Variants in MVB12B observed in about 807,000 individuals in gnomAD.
MVB12B encodes the protein ESCRT-I complex subunit MVB12B.
MVB12B carries 16 observed loss-of-function variants against 41.6 expected under a neutral mutation model. The ratio of observed to expected loss-of-function variants is 0.38; its 90% CI spans 0.26 to 0.58. The LOEUF is 0.58. MVB12B is among the 20% of genes least tolerant of loss of function. MVB12B has a pLI of 0.62. For synonymous variants in MVB12B, 133 were observed against 139.7 expected (o/e 0.95, Z 0.34); for missense variants, 274 against 380.2 (o/e 0.72, Z 2.32).
At chr9:126,384,834 A>AT (rs11299290) in intron 3 of MVB12B, among the ~76,000 whole-genome samples, 67 of 111,024 alleles carry the variant, frequency 6.0e-4, no homozygotes, top group Admixed American at 1.8e-3. Context: ...TGCCTGGCAG[A>AT]TTTTTTTTTT....
chr9:126,497,854 A>C (rs1833870423), intron 9 of MVB12B, among the ~76,000 whole-genome samples: 1 of 152,274 alleles, frequency 6.6e-6, no homozygotes, highest in Middle Eastern at 3.4e-3. Flanking sequence ...GGGTTTCCAA[A>C]CCGAACAGTT....
At chr9:126,479,745 G>A (rs1363122293) in intron 7 of MVB12B, among the ~76,000 whole-genome samples, 2 of 152,234 alleles carry the variant, frequency 1.3e-5, no homozygotes, top group African/African-American at 4.8e-5. Flanking sequence ...AGGGCGCGGG[G>A]AATGCAGCGA....
intron 1 of MVB12B, among the ~76,000 whole-genome samples, chr9:126,327,641 C>A (rs1829019589): frequency 6.6e-6 from 1 of 152,176 alleles, no homozygotes. Context: ...GGGACAAGAG[C>A]TGAGGCATGG....
At position 126,459,170 on chromosome 9, in the gene MVB12B, T is replaced by C. The variant is rs1833041022; in HGVS notation, c.758-22199T>C. 6.6e-6 allele frequency among the ~76,000 whole-genome samples: 1 copy of C among 152,228 alleles called. No individual in the cohort carries two copies. The highest frequency in any genetic ancestry group is 1.5e-5 in the Non-Finnish European group (1 of 68,034). On this transcript the variant is annotated intron_variant, in intron 7 of 9. Coordinates refer to ENST00000361171, the MANE Select transcript of MVB12B (RefSeq NM_033446.3). The surrounding 1 kb of genome is among the most constrained non-coding windows in gnomAD (Gnocchi z 4.3). ...AAAAGTAATCAGTTGGCAAGTAGGT[T>C]ACCTGGCTGTGCTTTGGCACTGGTA...
intron 9 of MVB12B, among the ~76,000 whole-genome samples, chr9:126,495,684 C>T (rs1041209537): frequency 5.3e-5 from 8 of 152,022 alleles, no homozygotes; most frequent in African/African-American, 1.9e-4. Context: ...CACCCACCAC[C>T]CACCTGTGAG....
At chr9:126,406,243 C>A (rs978591539) in intron 6 of MVB12B, among the ~76,000 whole-genome samples, 3 of 152,224 alleles carry the variant, frequency 2.0e-5, no homozygotes, top group Non-Finnish European at 2.9e-5. Flanking sequence ...GGAACGCTGA[C>A]CCTCTGCTGT....
intron 2 of MVB12B, among the ~76,000 whole-genome samples, chr9:126,375,770 T>C (rs979783884): frequency 6.6e-6 from 1 of 152,226 alleles, no homozygotes; most frequent in African/African-American, 2.4e-5. Context: ...TGGGCTTAGA[T>C]GTGGAATTCC....
At chr9:126,446,923 C>T (rs200400875) in intron 7 of MVB12B, among the ~76,000 whole-genome samples, 4 of 139,286 alleles carry the variant, frequency 2.9e-5, no homozygotes, top group African/African-American at 5.4e-5. Flanking sequence ...TGTATTAGTT[C>T]TTTTTTTTAA....
At chr9:126,405,365 A>G (rs1163880718) in intron 6 of MVB12B, among the ~76,000 whole-genome samples, 1 of 152,016 alleles carries the variant, frequency 6.6e-6, no homozygotes, top group South Asian at 2.1e-4. Flanking sequence ...GGTTTTGAGA[A>G]AGGCTTTTTT....
At position 126,473,994 on chromosome 9, in the gene MVB12B, C is replaced by G. The variant is rs1227922595; in HGVS notation, c.758-7375C>G. 6.6e-6 allele frequency among the ~76,000 whole-genome samples: 1 copy of G among 152,152 alleles called. No homozygotes were observed. Among genetic ancestry groups the G allele is most frequent in the Non-Finnish European group, 1.5e-5 (1 of 68,040 alleles). On this transcript the variant is annotated intron_variant, in intron 7 of 9. Transcript: ENST00000361171. The surrounding 1 kb of genome is among the most constrained non-coding windows in gnomAD (Gnocchi z 4.0). ...GGGGGTGGGGGGCTTTGTCATGGCA[C>G]ACTGAGAGCTCCAGGGCCTGGAGAG...
Position 126,503,370 on chromosome 9 carries a change from C to T in MVB12B, c.*107C>T. On this transcript the variant is annotated 3_prime_UTR_variant, in exon 10 of 10. Coordinates refer to ENST00000361171, the MANE Select transcript of MVB12B (RefSeq NM_033446.3). ...GCCTCCGCCAGCCCTCCCTCCCACA[C>T]TGCCCCAGCAGGGCTGGCCCGGAGA... 1.1e-6 allele frequency: 1 copy of T among 916,082 alleles called. No individual in the cohort carries two copies. The highest frequency in any genetic ancestry group is 1.7e-6 in the Non-Finnish European group (1 of 603,184). 56.7% of individuals were successfully genotyped at this position (916,082 alleles called of 1,614,324 possible). A position where few individuals can be genotyped will look rare whatever the true frequency, so the allele number is the denominator to read the frequency against.
At chr9:126,502,373 G>A (rs1356405676) in intron 9 of MVB12B, among the ~76,000 whole-genome samples, 1 of 152,136 alleles carries the variant, frequency 6.6e-6, no homozygotes, top group Non-Finnish European at 1.5e-5. Context: ...AACTACAGGT[G>A]CTCCTAGCCC....
At chr9:126,491,917 C>T (rs1833739417) in intron 9 of MVB12B, among the ~76,000 whole-genome samples, 2 of 152,132 alleles carry the variant, frequency 1.3e-5, no homozygotes, top group South Asian at 4.2e-4. Flanking sequence ...ATGCCACAGA[C>T]AAGATTAATT....
chr9:126,342,611 G>A (rs1829478090), intron 2 of MVB12B, among the ~76,000 whole-genome samples: 1 of 152,182 alleles, frequency 6.6e-6, no homozygotes, highest in African/African-American at 2.4e-5. Context: ...AGCTCTGCAC[G>A]GCCGAGGTGG....
intron 2 of MVB12B, among the ~76,000 whole-genome samples, chr9:126,357,862 A>G (rs1829924112): frequency 6.6e-6 from 1 of 152,062 alleles, no homozygotes; most frequent in Non-Finnish European, 1.5e-5. Context: ...TTTTATAGTT[A>G]GTGCTTTTTG....
At chr9:126,383,876 C>G (rs1353697178) in intron 3 of MVB12B, among the ~76,000 whole-genome samples, 1 of 151,678 alleles carries the variant, frequency 6.6e-6, no homozygotes, top group Non-Finnish European at 1.5e-5. Flanking sequence ...AATGGCCACA[C>G]CACTGATGTT....
At chr9:126,368,496 G>C (rs762590106) in intron 2 of MVB12B, among the ~76,000 whole-genome samples, 5 of 152,170 alleles carry the variant, frequency 3.3e-5, no homozygotes, top group Non-Finnish European at 7.3e-5. Context: ...CCGTGGTAGA[G>C]AGAGGGTTGG....
chr9:126,476,631 C>G (rs1305414299), intron 7 of MVB12B, among the ~76,000 whole-genome samples: 1 of 152,132 alleles, frequency 6.6e-6, no homozygotes, highest in Non-Finnish European at 1.5e-5. Context: ...AATCCCAAGA[C>G]TTTGGGAGGC....
intron 1 of MVB12B, among the ~76,000 whole-genome samples, chr9:126,331,478 TG>T (rs912861854): frequency 2.6e-5 from 4 of 152,208 alleles, no homozygotes; most frequent in Admixed American, 1.3e-4. Flanking sequence ...GTTTTTTTGT[TG>T]TTGATTTGTA....
Sources: gnomAD v4.1 joint callset for allele counts (sites outside exome capture counted in the v4.1 genomes callset) on GRCh38, gnomAD v4.1.1 for gene constraint, Gnocchi (gnomAD v3.1) non-coding constraint, MANE v1.5 for transcripts, NCBI Gene and HGNC (gene_info 2026-07-23, HGNC 2026-07-21) for gene names.